The following AKT2 variants were observed in gnomAD, a reference collection of about 807,000 sequenced individuals.
The protein encoded by AKT2 is RAC-beta serine/threonine-protein kinase.
Under a neutral mutation model 58.6 loss-of-function variants are expected in AKT2, and 16 were observed. That is an observed-to-expected ratio of 0.27 (90% confidence interval 0.18 to 0.41). The LOEUF is 0.41. Among genes scored for constraint, AKT2 ranks in the 10% least tolerant of loss-of-function variants. AKT2 has a pLI of 1.00. For synonymous variants in AKT2, 253 were observed against 254.0 expected, an observed-to-expected ratio of 1.00 and a Z score of 0.04; for missense variants, 438 against 661.0, an observed-to-expected ratio of 0.66 and a Z score of 3.70.
rs1338993333 is a variant in AKT2, at chr19:40,235,484, A to T, written c.1176-134T>A. The stretch of plus-strand genomic sequence containing the variant: ...CACAAACCACTTCACAGAGGAGGAA[A>T]CCGAGGCTCAGGGAGGGAGCTCACG... On this transcript the variant is annotated intron_variant, in intron 11 of 13. Coordinates refer to ENST00000392038, the MANE Select transcript of AKT2 (RefSeq NM_001626.6). The surrounding 1 kb of genome is among the most constrained non-coding windows in gnomAD (Gnocchi z 6.3). 1.2e-6 allele frequency: 1 copy of T among 864,614 alleles called. No homozygotes were observed. The highest frequency in any genetic ancestry group is 1.9e-6 in the Non-Finnish European group (1 of 535,268). 53.6% of individuals were successfully genotyped at this position (864,614 alleles called of 1,614,324 possible).
intron 4 of AKT2, among the ~76,000 whole-genome samples, chr19:40,250,752 C>A (rs369576407): frequency 6.6e-6 from 1 of 151,978 alleles, no homozygotes; most frequent in East Asian, 1.9e-4. Context: ...CACCTAAATC[C>A]GGGAGATTGA....
intron 1 of AKT2, chr19:40,282,508 C>T (rs770372351): frequency 1.9e-6 from 1 of 527,790 alleles, no homozygotes; most frequent in Admixed American, 2.0e-5. Context: ...GCTGGACTGG[C>T]TGTAGGCAGA....
At chr19:40,282,872 T>C (rs2077449271) in intron 1 of AKT2, 1 of 185,836 alleles carries the variant, frequency 5.4e-6, no homozygotes, top group African/African-American at 2.4e-5. Context: ...AGTTTCTCCT[T>C]GACAAGACGA....
At chr19:40,277,391 A>G (rs902298266) in intron 1 of AKT2, among the ~76,000 whole-genome samples, 5 of 152,168 alleles carry the variant, frequency 3.3e-5, no homozygotes, top group Non-Finnish European at 1.5e-5. Flanking sequence ...GCTGGGCTCT[A>G]GGGCGCCCTG....
rs967552024 is a variant in AKT2, at chr19:40,242,234, T to C, written c.442-165A>G. The C allele has an allele frequency of 7.2e-5, 78 of 1,085,156 alleles. No homozygotes were observed. The highest frequency in any genetic ancestry group is 9.2e-5 in the Non-Finnish European group (68 of 739,836). The allele number at this position is 1,085,156 out of a possible 1,614,324, so 67.2% of individuals were successfully genotyped here. A position where few individuals can be genotyped will look rare whatever the true frequency, so the allele number is the denominator to read the frequency against. On this transcript the variant is annotated intron_variant, in intron 5 of 13. Coordinates refer to ENST00000392038, the MANE Select transcript of AKT2 (RefSeq NM_001626.6). The surrounding 1 kb of genome is among the most constrained non-coding windows in gnomAD (Gnocchi z 4.3). The stretch of plus-strand genomic sequence containing the variant: ...AGCAACTGTGTGTTCTGAAGCGGCC[T>C]TCAGACCAGGCTCTGCAGGCACAGG...
At chr19:40,285,058 A>G in intron 1 of AKT2, 123 bp downstream of exon 1, 1 of 372,196 alleles carries the variant, frequency 2.7e-6, no homozygotes, top group Non-Finnish European at 4.8e-6. Context: ...CTCCTGAAGG[A>G]GGGGCTCGAG....
At chr19:40,255,336 G>A in intron 3 of AKT2, 67 bp from the exon 4 acceptor site, 1 of 1,363,632 alleles carries the variant, frequency 7.3e-7, no homozygotes, top group Non-Finnish European at 1.0e-6. Flanking sequence ...AGCCCAAAGT[G>A]CCCGAGCCAC....
chr19:40,234,906 C>T lies in AKT2; in HGVS notation c.1366+139G>A. The T allele has an allele frequency of 1.2e-6, 1 of 830,670 alleles. No homozygotes were observed. Among genetic ancestry groups the T allele is most frequent in the Non-Finnish European group, 2.0e-6 (1 of 496,478 alleles). 51.5% of individuals were successfully genotyped at this position (830,670 alleles called of 1,614,324 possible). Reference sequence around the variant, plus strand: ...CCAAAGAGGACCAACAGCAAAAGGGCCTGAGAGCAGACTTGGGGAAATCTC... The same window carrying T: ...CCAAAGAGGACCAACAGCAAAAGGGTCTGAGAGCAGACTTGGGGAAATCTC... On this transcript the variant is annotated intron_variant, in intron 13 of 13. Coordinates refer to ENST00000392038, the MANE Select transcript of AKT2 (RefSeq NM_001626.6). This position sits in a 1 kb window ranked among gnomAD's most constrained non-coding sequence, Gnocchi z 4.7.
intron 3 of AKT2, among the ~76,000 whole-genome samples, chr19:40,255,563 G>A (rs141690128): frequency 1.8e-4 from 28 of 152,340 alleles, no homozygotes; most frequent in African/African-American, 6.7e-4. Flanking sequence ...AGCCTGGGGG[G>A]TTGGGGGGCT....
chr19:40,262,142 C>T (rs1976010732), intron 2 of AKT2, among the ~76,000 whole-genome samples: 1 of 151,586 alleles, frequency 6.6e-6, no homozygotes, highest in African/African-American at 2.4e-5. Context: ...CGCAGTGGCT[C>T]ACAACTGTAA....
At chr19:40,260,338 A>G (rs1354644100) in intron 2 of AKT2, among the ~76,000 whole-genome samples, 1 of 151,644 alleles carries the variant, frequency 6.6e-6, no homozygotes, top group East Asian at 1.9e-4. Flanking sequence ...AATATAGAAT[A>G]TATCACCCCG....
At chr19:40,259,462 TAA>T in intron 2 of AKT2, among the ~76,000 whole-genome samples, 1 of 152,240 alleles carries the variant, frequency 6.6e-6, no homozygotes, top group African/African-American at 2.4e-5. Flanking sequence ...GACCTGAATA[TAA>T]GAGCTAAAAC....
Position 40,238,126 on chromosome 19 carries a change from C to T in AKT2, c.709-35G>A. ...GAAGGGGTGGGGAGAGGAGGTCAGG[C>T]CCCAGCCCACCCACCTGCCCTCACC... On this transcript the variant is annotated intron_variant, in intron 8 of 13. Coordinates refer to ENST00000392038, the MANE Select transcript of AKT2 (RefSeq NM_001626.6). This position sits in a 1 kb window ranked among gnomAD's most constrained non-coding sequence, Gnocchi z 5.1. 6.4e-7 allele frequency: 1 copy of T among 1,565,356 alleles called. No homozygotes were observed. The highest frequency in any genetic ancestry group is 8.7e-7 in the Non-Finnish European group (1 of 1,155,442).
rs558640576 is a variant in AKT2, at chr19:40,234,527, G to A, written c.1366+518C>T. The A allele has an allele frequency of 3.1e-4, 91 of 289,634 alleles. No homozygotes were observed. In the Middle Eastern group the frequency reaches 5.1e-3, roughly 16 times the overall value. The allele number at this position is 289,634 out of a possible 1,614,324, so 17.9% of individuals were successfully genotyped here. On this transcript the variant is annotated intron_variant, in intron 13 of 13. Coordinates refer to ENST00000392038, the MANE Select transcript of AKT2 (RefSeq NM_001626.6). The surrounding 1 kb of genome is among the most constrained non-coding windows in gnomAD (Gnocchi z 4.7). The stretch of plus-strand genomic sequence containing the variant: ...CTGGCATCCCACACGTCATTCCTCC[G>A]GCCAGCTGACACGTTTGCTTCCTCC...
In AKT2 at chr19:40,234,807, G is replaced by C. The variant is rs142708779; in HGVS notation, c.1366+238C>G. On this transcript the variant is annotated intron_variant, in intron 13 of 13. Coordinates refer to ENST00000392038, the MANE Select transcript of AKT2 (RefSeq NM_001626.6). The surrounding 1 kb of genome is among the most constrained non-coding windows in gnomAD (Gnocchi z 4.7). ...CCCAGCCAGGCTCAGGGACCGGGCT[G>C]CCTCCTGCCCTGAGCCCCCCGACTG... The C allele has an allele frequency of 7.9e-4, 493 of 625,868 alleles. No individual in the cohort carries two copies. Among genetic ancestry groups the C allele is most frequent in the African/African-American group, 7.8e-3 (429 of 54,652 alleles). 38.8% of individuals were successfully genotyped at this position (625,868 alleles called of 1,614,324 possible).
intron 1 of AKT2, among the ~76,000 whole-genome samples, chr19:40,272,029 C>T (rs1341692263): frequency 6.6e-6 from 1 of 152,242 alleles, no homozygotes; most frequent in East Asian, 1.9e-4. Context: ...AAGAGCAAGG[C>T]TCACATAGCC....
Position 40,233,519 on chromosome 19 carries a change from C to A in AKT2, c.*353G>T. ...AGATGCAGCAGCGCGGAGGCAGACA[C>A]CAGCACGACACCCAGGCCAGAAACT... On this transcript the variant is annotated 3_prime_UTR_variant, in exon 14 of 14. Coordinates refer to ENST00000392038, the MANE Select transcript of AKT2 (RefSeq NM_001626.6). The surrounding 1 kb of genome is among the most constrained non-coding windows in gnomAD (Gnocchi z 4.3). 1 of 622,166 alleles carries A rather than the reference C, an allele frequency of 1.6e-6. No homozygotes were observed. Among genetic ancestry groups the A allele is most frequent in the Non-Finnish European group, 3.1e-6 (1 of 326,070 alleles). The allele number at this position is 622,166 out of a possible 1,614,324, so 38.5% of individuals were successfully genotyped here. A position where few individuals can be genotyped will look rare whatever the true frequency, so the allele number is the denominator to read the frequency against.
chr19:40,265,074 AT>A, intron 2 of AKT2, 147 bp downstream of exon 2: 2 of 1,197,924 alleles, frequency 1.7e-6, no homozygotes, highest in Non-Finnish European at 2.4e-6. Context: ...AGTCCACGAA[AT>A]GGGGGCATAA....
intron 2 of AKT2, among the ~76,000 whole-genome samples, chr19:40,264,152 G>C (rs1976172311): frequency 6.6e-6 from 1 of 152,176 alleles, no homozygotes; most frequent in Admixed American, 6.5e-5. Flanking sequence ...CTCAGCACGT[G>C]TTTGCTGAAT....
Sources: gnomAD v4.1 joint callset for allele counts (sites outside exome capture counted in the v4.1 genomes callset) on GRCh38, gnomAD v4.1.1 for gene constraint, Gnocchi (gnomAD v3.1) non-coding constraint, MANE v1.5 for transcripts, NCBI Gene and HGNC (gene_info 2026-07-23, HGNC 2026-07-21) for gene names.